Variants in LINGO2 observed in about 807,000 individuals in gnomAD.
LINGO2 encodes leucine-rich repeat and immunoglobulin-like domain-containing nogo receptor-interacting protein 2.
A neutral mutation model predicts 30.6 loss-of-function variants in LINGO2; 14 were observed. The observed-to-expected ratio is 0.46, with a 90% CI of 0.30 to 0.72. The LOEUF (loss-of-function observed/expected upper bound fraction) is 0.72. LINGO2 is among the 30% of genes least tolerant of loss of function. LINGO2 has a pLI of 0.07. For synonymous variants in LINGO2, 317 were observed against 288.5 expected, an observed-to-expected ratio of 1.10 and a Z score of -1.00; for missense variants, 729 against 751.7, an observed-to-expected ratio of 0.97 and a Z score of 0.35.
At chr9:28,925,223 G>A in the LINGO2 span, among the ~76,000 whole-genome samples, 1 of 152,156 alleles carries the variant, frequency 6.6e-6, no homozygotes, top group African/African-American at 2.4e-5. Flanking sequence ...TCTTGCCTTT[G>A]TTCTTGGCTC....
intron 1 of LINGO2, among the ~76,000 whole-genome samples, chr9:28,650,386 T>C (rs540722032): frequency 6.6e-6 from 1 of 152,280 alleles, no homozygotes; most frequent in Non-Finnish European, 1.5e-5. Flanking sequence ...GCAAATGTAG[T>C]GCTGGTTCTA....
intron 4 of LINGO2, among the ~76,000 whole-genome samples, chr9:28,283,135 G>C (rs1222610985): frequency 1.3e-5 from 2 of 152,180 alleles, no homozygotes; most frequent in Admixed American, 6.5e-5. Context: ...CTGGTACTTA[G>C]AGAAAGAAAA....
the LINGO2 span, among the ~76,000 whole-genome samples, chr9:28,998,902 A>AC: frequency 0.64 from 97,324 of 151,720 alleles, 31,997 homozygotes; most frequent in Non-Finnish European, 0.72. Context: ...AATGAAGTTA[A>AC]AATTTTCTTC....
chr9:28,387,586 C>T (rs950058538), intron 2 of LINGO2, among the ~76,000 whole-genome samples: 2 of 152,214 alleles, frequency 1.3e-5, no homozygotes, highest in African/African-American at 2.4e-5. Context: ...TGAGCTGTAA[C>T]ACTCACTACG....
intron 4 of LINGO2, among the ~76,000 whole-genome samples, chr9:28,228,043 C>T (rs951195595): frequency 1.3e-5 from 2 of 151,924 alleles, no homozygotes; most frequent in Middle Eastern, 3.2e-3. Context: ...ATGATAGGAG[C>T]TTAATACATG....
At chr9:28,217,255 A>G (rs912990504) in intron 4 of LINGO2, among the ~76,000 whole-genome samples, 2 of 151,734 alleles carry the variant, frequency 1.3e-5, no homozygotes, top group Non-Finnish European at 2.9e-5. Flanking sequence ...AACTTCTGAA[A>G]TAAGAAATTC....
intron 2 of LINGO2, among the ~76,000 whole-genome samples, chr9:28,390,480 G>C (rs908316127): frequency 1.3e-4 from 19 of 151,408 alleles, no homozygotes; most frequent in African/African-American, 4.1e-4. Context: ...TTCAGCTTTT[G>C]TGTTTATGAA....
intron 1 of LINGO2, among the ~76,000 whole-genome samples, chr9:28,526,385 C>T (rs912054568): frequency 8.5e-5 from 13 of 152,286 alleles, no homozygotes; most frequent in African/African-American, 2.9e-4. Flanking sequence ...AAAGCAGCAT[C>T]TACAAGATAC....
the LINGO2 span, among the ~76,000 whole-genome samples, chr9:28,790,329 T>C: frequency 0.029 from 3,224 of 112,114 alleles, 40 homozygotes; most frequent in Middle Eastern, 0.052. Context: ...TTCTTTCTTT[T>C]TTTTTTTTTT....
chr9:28,233,062 T>TA (rs1564063017), intron 4 of LINGO2, among the ~76,000 whole-genome samples: 1 of 45,428 alleles, frequency 2.2e-5, no homozygotes, highest in South Asian at 6.6e-4. Context: ...ATATATATAT[T>TA]AGATATATAA....
At chr9:28,885,575 G>T in the LINGO2 span, among the ~76,000 whole-genome samples, 6 of 151,690 alleles carry the variant, frequency 4.0e-5, no homozygotes, top group Non-Finnish European at 4.4e-5. Flanking sequence ...CATAGTTAAA[G>T]TGTGTCAATA....
At chr9:28,671,572 A>G (rs1227684124), upstream of LINGO2, among the ~76,000 whole-genome samples, 1 of 151,062 alleles carries the variant, frequency 6.6e-6, no homozygotes, top group Non-Finnish European at 1.5e-5. Context: ...GTTCTCACTT[A>G]TAAGTGGAAG....
At chr9:28,849,627 C>T in the LINGO2 span, among the ~76,000 whole-genome samples, 1 of 152,030 alleles carries the variant, frequency 6.6e-6, no homozygotes, top group African/African-American at 2.4e-5. Flanking sequence ...AAATAGCATA[C>T]ACTTGTGGCC....
At chr9:28,141,722 T>C (rs1054183532) in intron 4 of LINGO2, among the ~76,000 whole-genome samples, 22 of 152,130 alleles carry the variant, frequency 1.4e-4, no homozygotes, top group African/African-American at 5.3e-4. Context: ...CAAGACCAGC[T>C]TGGGCAACAT....
At chr9:27,943,297 A>T, downstream of LINGO2, 1 of 152,160 alleles carries the variant, frequency 6.6e-6, no homozygotes, top group East Asian at 1.9e-4. Context: ...TTATCTTTTG[A>T]ACTTTATTGG....
At position 28,422,774 on chromosome 9, in the gene LINGO2, T is replaced by C. The variant is rs571143938; in HGVS notation, c.-278-49906A>G. 2.1e-3 allele frequency among the ~76,000 whole-genome samples: 316 copies of C among 152,236 alleles called. 1 individual carries two copies. Among genetic ancestry groups the C allele is most frequent in the Admixed American group, 0.01 (154 of 15,274 alleles). ...AGCCAAAAGATGGATGTAGCCTATG[T>C]GGCCATTGGTAGATGAATACATTAA... is the stretch of plus-strand genomic sequence containing the variant. On this transcript the variant is annotated intron_variant, in intron 2 of 5. Coordinates refer to ENST00000379992, the Ensembl canonical transcript of LINGO2.
chr9:28,591,432 C>T (rs1342739467), intron 1 of LINGO2, among the ~76,000 whole-genome samples: 1 of 151,984 alleles, frequency 6.6e-6, no homozygotes, highest in Non-Finnish European at 1.5e-5. Flanking sequence ...CTGTCTCCCA[C>T]TTCCAGAGGA....
At chr9:28,804,241 A>G in the LINGO2 span, among the ~76,000 whole-genome samples, 2 of 152,186 alleles carry the variant, frequency 1.3e-5, no homozygotes, top group South Asian at 4.1e-4. Flanking sequence ...ACCTTTATAT[A>G]CAGTTACATA....
chr9:29,127,654 CT>C, the LINGO2 span, among the ~76,000 whole-genome samples: 4 of 151,990 alleles, frequency 2.6e-5, no homozygotes, highest in African/African-American at 9.7e-5. Flanking sequence ...CAGCTGTTTC[CT>C]AGTAGATCCT....
Sources: allele counts gnomAD v4.1 joint callset (sites outside exome capture counted in the v4.1 genomes callset), GRCh38; gene constraint gnomAD v4.1.1; transcripts MANE v1.5; gene names NCBI Gene and HGNC (gene_info 2026-07-23, HGNC 2026-07-21).